Variants in DCC observed in about 807,000 individuals in gnomAD.
The protein encoded by DCC is DCC netrin 1 receptor, also known as netrin receptor DCC.
Under a neutral mutation model 172.5 loss-of-function variants are expected in DCC, and 58 were observed. The observed-to-expected ratio is 0.34, with a 90% CI of 0.27 to 0.42. The LOEUF (loss-of-function observed/expected upper bound fraction) is 0.42, where lower values mean the gene tolerates loss of function less well. Ranked by LOEUF, DCC falls within the 10% of genes least tolerant of loss-of-function variation. The pLI is 1.00. For missense variants in DCC, 1,740 were observed against 1,791.0 expected (o/e 0.97, Z 0.51); for synonymous variants, 709 against 644.5 (o/e 1.10, Z -1.52).
rs1568127167 is a variant in DCC at position 53,429,081 on chromosome 18, T to TTA, written c.3164-6058_3164-6057dup. On this transcript the variant is annotated intron_variant, in intron 21 of 28. Transcript: ENST00000442544. The stretch of plus-strand genomic sequence containing the variant: ...ATATATTTTATATATAATATATATT[T>TTA]TATATAATATATATTTTATATATAA... 2.4e-3 allele frequency among the ~76,000 whole-genome samples: 212 copies of TTA among 86,882 alleles called. 32 individuals are homozygous for TTA. Among genetic ancestry groups the TTA allele is most frequent in the African/African-American group, 7.4e-3 (200 of 26,862 alleles). The allele number at this position is 86,882 out of a possible 152,430, so 57.0% of individuals were successfully genotyped here. A position where few individuals can be genotyped will look rare whatever the true frequency, so the allele number is the denominator to read the frequency against.
chr18:52,883,420 A>G (rs1202908039), intron 2 of DCC, among the ~76,000 whole-genome samples: 1 of 132,972 alleles, frequency 7.5e-6, no homozygotes, highest in Non-Finnish European at 1.6e-5. Context: ...CCTTTTAGTG[A>G]AGGTGATTTT....
At chr18:52,922,563 G>T (rs1295094909) in intron 3 of DCC, among the ~76,000 whole-genome samples, 3 of 152,174 alleles carry the variant, frequency 2.0e-5, no homozygotes, top group African/African-American at 4.8e-5. Context: ...CAAAATGACA[G>T]ATTATTGGCT....
intron 9 of DCC, among the ~76,000 whole-genome samples, chr18:53,204,488 A>G (rs1280188065): frequency 1.3e-5 from 2 of 152,030 alleles, no homozygotes; most frequent in Non-Finnish European, 2.9e-5. Context: ...TCAAGGTTGC[A>G]GTGAGATGTG....
intron 1 of DCC, among the ~76,000 whole-genome samples, chr18:52,711,546 G>A (rs924592419): frequency 1.3e-5 from 2 of 152,192 alleles, no homozygotes; most frequent in African/African-American, 4.8e-5. Context: ...AGTTTTTGAA[G>A]TTTGTTCTTG....
At chr18:52,914,230 A>T (rs1207381006) in intron 3 of DCC, among the ~76,000 whole-genome samples, 1 of 151,848 alleles carries the variant, frequency 6.6e-6, no homozygotes, top group Non-Finnish European at 1.5e-5. Flanking sequence ...ATAAAAAAAA[A>T]TCACTTCCTT....
chr18:52,609,347 T>C (rs569402755), intron 1 of DCC, among the ~76,000 whole-genome samples: 36 of 152,088 alleles, frequency 2.4e-4, no homozygotes, highest in African/African-American at 8.7e-4. Flanking sequence ...AGTTTGGAGG[T>C]GTTAGGACTG....
In DCC at chr18:53,100,851, C is replaced by T. The variant is rs572302693; in HGVS notation, c.1261+34685C>T. Among the ~76,000 whole-genome samples, 184 of 152,050 alleles carry T rather than the reference C, an allele frequency of 1.2e-3. 2 individuals carry two copies. The highest frequency in any genetic ancestry group is 4.2e-3 in the African/African-American group (174 of 41,450). On this transcript the variant is annotated intron_variant, in intron 7 of 28. Coordinates refer to ENST00000442544, the MANE Select transcript of DCC (RefSeq NM_005215.4). ...AAATGGGCAGAGGAATGGAGAGAGC[C>T]TGTTTTAAGATAGAGAGAGGGCTAC...
intron 2 of DCC, among the ~76,000 whole-genome samples, chr18:52,790,757 T>A (rs1243939595): frequency 6.6e-6 from 1 of 152,170 alleles, no homozygotes; most frequent in Non-Finnish European, 1.5e-5. Flanking sequence ...ATATTGCTCA[T>A]CTCCAAAATT....
chr18:52,622,728 G>A (rs2034502459), intron 1 of DCC, among the ~76,000 whole-genome samples: 1 of 152,164 alleles, frequency 6.6e-6, no homozygotes, highest in Non-Finnish European at 1.5e-5. Context: ...TCTATTAATA[G>A]ATGTATCCAC....
chr18:52,515,606 C>CAAAAAAAAAAAAAAAAAAAAAAA lies in DCC; in HGVS notation c.91+174748_91+174749insAAAAAAAAAAAAAAAAAAAAAAA, dbSNP rs58112743. Among the ~76,000 whole-genome samples the CAAAAAAAAAAAAAAAAAAAAAAA allele has an allele frequency of 2.3e-3, 24 of 10,330 alleles. 5 individuals carry two copies. The highest frequency in any genetic ancestry group is 3.3e-3 in the African/African-American group (15 of 4,594). 6.8% of individuals were successfully genotyped at this position (10,330 alleles called of 152,430 possible). A position where few individuals can be genotyped will look rare whatever the true frequency, so the allele number is the denominator to read the frequency against. On this transcript the variant is annotated intron_variant, in intron 1 of 28. Transcript: ENST00000442544. ...TGGGCGACAGAGCGAAACCCTGTCT[C>CAAAAAAAAAAAAAAAAAAAAAAA]AAAAAAAAAAAAAAAAAAAATCATA...
chr18:53,034,689 A>G (rs962140730), intron 5 of DCC, among the ~76,000 whole-genome samples: 3 of 145,246 alleles, frequency 2.1e-5, no homozygotes, highest in Non-Finnish European at 3.0e-5. Flanking sequence ...TAAGTCACTT[A>G]TCTGCTCCAA....
chr18:52,924,577 A>T (rs2040172953), intron 4 of DCC, among the ~76,000 whole-genome samples: 2 of 152,126 alleles, frequency 1.3e-5, no homozygotes, highest in East Asian at 3.8e-4. Context: ...CTTTCTGATG[A>T]AATGGATCTT....
At chr18:53,068,827 A>T (rs1220369678) in intron 7 of DCC, among the ~76,000 whole-genome samples, 1 of 134,628 alleles carries the variant, frequency 7.4e-6, no homozygotes, top group African/African-American at 3.0e-5. Flanking sequence ...GTTGCTGGGG[A>T]CTGATTGCAA....
At position 53,386,094 on chromosome 18, in the gene DCC, A is replaced by C; in HGVS notation, c.2411A>C (p.Glu804Ala). The C allele has an allele frequency of 6.2e-7, 1 of 1,613,698 alleles. No homozygotes were observed. The highest frequency in any genetic ancestry group is 8.5e-7 in the Non-Finnish European group (1 of 1,179,638). Residue 804 changes from glutamate to alanine, a missense_variant, in exon 16 of 29, where the codon GAA becomes GCA. Glu to Ala is a moderately radical substitution (Grantham distance 107, BLOSUM62 -1). Around this residue, in one of 2 missense-constraint regions of DCC, gnomAD observed 1,732 missense variants for 1,767.4 expected, o/e 0.98. Coordinates refer to ENST00000442544, the MANE Select transcript of DCC (RefSeq NM_005215.4). ...CTAAAAGCTTTTAACAATGCCGGAG[A>C]AGGAGTTCCTCTTTATGAAAGTGCC... ...ISLKAFNNAG[E>A]GVPLYESATT...
intron 1 of DCC, among the ~76,000 whole-genome samples, chr18:52,504,577 T>C (rs996769453): frequency 6.6e-6 from 1 of 152,202 alleles, no homozygotes; most frequent in African/African-American, 2.4e-5. Flanking sequence ...TTGGGATCCC[T>C]GGCCCCTGCC....
At chr18:52,551,037 A>G (rs941391974) in intron 1 of DCC, among the ~76,000 whole-genome samples, 56 of 152,024 alleles carry the variant, frequency 3.7e-4, no homozygotes, top group African/African-American at 1.2e-3. Flanking sequence ...TTTGTGAATA[A>G]AATGTTTCTA....
At chr18:52,459,006 A>G (rs775305498) in intron 1 of DCC, among the ~76,000 whole-genome samples, 12 of 152,150 alleles carry the variant, frequency 7.9e-5, no homozygotes, top group Non-Finnish European at 1.5e-4. Context: ...TTGCACACCA[A>G]TGAATGTGCT....
chr18:53,359,175 G>A lies in DCC; in HGVS notation c.2359+19268G>A, dbSNP rs973411123. Among the ~76,000 whole-genome samples, 9 of 152,262 alleles carry A rather than the reference G, an allele frequency of 5.9e-5. No homozygotes were observed. In the East Asian group the frequency reaches 1.7e-3, roughly 29 times the overall value. Reference sequence around the variant, plus strand: ...GAGAGTTGCAGGAGTTATAAATAGAGAGATAACTTGAGTGCAGGTTTTGGA... The same window carrying A: ...GAGAGTTGCAGGAGTTATAAATAGAAAGATAACTTGAGTGCAGGTTTTGGA... On this transcript the variant is annotated intron_variant, in intron 15 of 28. Coordinates refer to ENST00000442544, the MANE Select transcript of DCC (RefSeq NM_005215.4).
At chr18:52,618,080 A>T (rs1431008765) in intron 1 of DCC, among the ~76,000 whole-genome samples, 3 of 152,224 alleles carry the variant, frequency 2.0e-5, no homozygotes, top group Non-Finnish European at 2.9e-5. Flanking sequence ...AATATTTTAC[A>T]TTAGAGACCC....
Sources: gnomAD v4.1 joint callset for allele counts (sites outside exome capture counted in the v4.1 genomes callset) on GRCh38, gnomAD v4.1.1 for gene constraint, gnomAD v4.1.1 regional missense constraint, MANE v1.5 for transcripts, NCBI Gene and HGNC (gene_info 2026-07-23, HGNC 2026-07-21) for gene names.